Variants in TRIM37 observed in about 807,000 individuals in gnomAD.
The protein encoded by TRIM37 is tripartite motif containing 37.
TRIM37 carries 80 observed loss-of-function variants against 129.8 expected under a neutral mutation model. The observed-to-expected ratio is 0.62, with a 90% CI of 0.51 to 0.74. The LOEUF (loss-of-function observed/expected upper bound fraction) is 0.74, where lower values mean the gene tolerates loss of function less well. TRIM37 is among the 30% of genes least tolerant of loss of function. TRIM37 has a pLI of 0.00. For missense variants in TRIM37, 1,054 were observed against 1,176.5 expected (o/e 0.90, Z 1.52); for synonymous variants, 389 against 387.1 (o/e 1.00, Z -0.06).
At chr17:59,046,780 T>C (rs1030720461) in intron 16 of TRIM37, among the ~76,000 whole-genome samples, 17 of 149,174 alleles carry the variant, frequency 1.1e-4, no homozygotes, top group Non-Finnish European at 2.4e-4. Context: ...GACCTCGTGA[T>C]CCACCCGCCT....
intron 16 of TRIM37, among the ~76,000 whole-genome samples, chr17:59,043,437 A>C (rs2039464264): frequency 6.6e-6 from 1 of 152,122 alleles, no homozygotes; most frequent in Non-Finnish European, 1.5e-5. Context: ...AACCAAGATC[A>C]CTCCACTTCC....
At chr17:59,041,692 C>A (rs538617000) in intron 17 of TRIM37, 121 bp downstream of exon 17, 20 of 722,358 alleles carry the variant, frequency 2.8e-5, no homozygotes, top group Non-Finnish European at 3.7e-5. Context: ...ATAAGATATA[C>A]CACTTCCAAC....
At chr17:59,087,086 G>C (rs2043818227) in intron 4 of TRIM37, among the ~76,000 whole-genome samples, 1 of 151,974 alleles carries the variant, frequency 6.6e-6, no homozygotes, top group Admixed American at 6.6e-5. Context: ...TTGAATAGCA[G>C]GTTTTTGGTT....
intron 21 of TRIM37, among the ~76,000 whole-genome samples, chr17:59,014,387 AATGGCTAATC>A (rs2035649731): frequency 6.6e-6 from 1 of 152,234 alleles, no homozygotes; most frequent in Non-Finnish European, 1.5e-5. Context: ...GATGGATATT[AATGGCTAATC>A]ATCTGCCACA....
intron 13 of TRIM37, among the ~76,000 whole-genome samples, chr17:59,055,359 A>AAAAAAC (rs2040751484): frequency 7.6e-6 from 1 of 130,964 alleles, no homozygotes; most frequent in African/African-American, 2.8e-5. Context: ...AAAAAAAAAA[A>AAAAAAC]TTGATGGTTT....
In TRIM37 at chr17:59,001,199, C is replaced by CAAA. The variant is rs537326649; in HGVS notation, c.2812+396_2812+398dup. On this transcript the variant is annotated intron_variant, in intron 23 of 23. Transcript: ENST00000262294. ...GACAGAACAAGACTCCATCTCGGGG[C>CAAA]AAAAAAAAAAAAAAAGAAAAAAAAA... Among the ~76,000 whole-genome samples the CAAA allele has an allele frequency of 1.5e-3, 86 of 57,512 alleles. 2 individuals carry two copies. Among genetic ancestry groups the CAAA allele is most frequent in the African/African-American group, 5.2e-3 (80 of 15,400 alleles). The allele number at this position is 57,512 out of a possible 152,430, so 37.7% of individuals were successfully genotyped here. A position where few individuals can be genotyped will look rare whatever the true frequency, so the allele number is the denominator to read the frequency against.
chr17:59,003,017 G>T (rs1290320272), intron 22 of TRIM37, among the ~76,000 whole-genome samples: 1 of 152,140 alleles, frequency 6.6e-6, no homozygotes, highest in Non-Finnish European at 1.5e-5. Context: ...CCTCCCAACA[G>T]GCCTGTGCCA....
At chr17:59,061,339 C>T (rs990179870) in intron 11 of TRIM37, among the ~76,000 whole-genome samples, 14 of 151,490 alleles carry the variant, frequency 9.2e-5, no homozygotes, top group Non-Finnish European at 1.8e-4. Flanking sequence ...ACAACCACAA[C>T]AAAGGTTAAG....
chr17:58,994,977 G>A (rs183138486), downstream of TRIM37, among the ~76,000 whole-genome samples: 611 of 152,180 alleles, frequency 4.0e-3, 4 homozygotes, highest in African/African-American at 0.014. Context: ...TCGAACTCCC[G>A]ACCTCAGGTG....
chr17:59,012,990 G>A (rs1185464060), intron 21 of TRIM37, among the ~76,000 whole-genome samples: 2 of 151,936 alleles, frequency 1.3e-5, no homozygotes, highest in Non-Finnish European at 2.9e-5. Flanking sequence ...TTTGCAAAAT[G>A]TTATCATTAG....
At chr17:59,062,960 C>T (rs1260018978) in intron 10 of TRIM37, among the ~76,000 whole-genome samples, 1 of 152,160 alleles carries the variant, frequency 6.6e-6, no homozygotes, top group Non-Finnish European at 1.5e-5. Flanking sequence ...AATGCTTCAA[C>T]AAGCAGTCTT....
At chr17:59,035,222 G>A (rs912687723) in intron 17 of TRIM37, among the ~76,000 whole-genome samples, 10 of 151,732 alleles carry the variant, frequency 6.6e-5, no homozygotes, top group Middle Eastern at 3.2e-3. Flanking sequence ...ATTGCACCAA[G>A]CTAATTTTTT....
chr17:59,012,542 T>C, intron 21 of TRIM37, 96 bp from the exon 22 acceptor site: 1 of 824,990 alleles, frequency 1.2e-6, no homozygotes, highest in African/African-American at 1.7e-5. Flanking sequence ...GTAGGGTACG[T>C]GCTCTGGTGC....
chr17:59,056,827 T>C (rs1472808324), intron 13 of TRIM37, 48 bp downstream of exon 13: 5 of 1,503,706 alleles, frequency 3.3e-6, no homozygotes, highest in Non-Finnish European at 4.6e-6. Flanking sequence ...GTTCTGATGA[T>C]ATTATTTCCC....
chr17:59,005,248 G>T, intron 22 of TRIM37, among the ~76,000 whole-genome samples: 1 of 151,942 alleles, frequency 6.6e-6, no homozygotes, highest in African/African-American at 2.4e-5. Flanking sequence ...TTTTAAAAAA[G>T]TTATTAAATA....
At chr17:59,038,029 A>C (rs1191150119) in intron 17 of TRIM37, among the ~76,000 whole-genome samples, 1 of 152,176 alleles carries the variant, frequency 6.6e-6, no homozygotes, top group Non-Finnish European at 1.5e-5. Flanking sequence ...TACCATTGTC[A>C]ACATATCAAC....
intron 16 of TRIM37, among the ~76,000 whole-genome samples, chr17:59,044,930 G>A (rs2039619817): frequency 6.6e-6 from 1 of 152,104 alleles, no homozygotes; most frequent in Non-Finnish European, 1.5e-5. Context: ...CTACTATGGA[G>A]GCTGAGGCAG....
At chr17:59,098,125 A>T in intron 2 of TRIM37, among the ~76,000 whole-genome samples, 1 of 152,222 alleles carries the variant, frequency 6.6e-6, no homozygotes, top group Non-Finnish European at 1.5e-5. Context: ...AGAGAGGTAG[A>T]AATAAACAAA....
chr17:58,972,045 GA>G, the TRIM37 span: 1 of 1,323,944 alleles, frequency 7.6e-7, no homozygotes, highest in Non-Finnish European at 1.0e-6. Flanking sequence ...GCTCCCAGCT[GA>G]AAAGCTTAAT....
Sources: allele counts gnomAD v4.1 joint callset (sites outside exome capture counted in the v4.1 genomes callset), GRCh38; gene constraint gnomAD v4.1.1; transcripts MANE v1.5; gene names NCBI Gene and HGNC (gene_info 2026-07-23, HGNC 2026-07-21).